LRRC4C: variants seen among roughly 807,000 people sequenced by gnomAD.
LRRC4C encodes the protein leucine rich repeat containing 4C.
In LRRC4C, 5 loss-of-function variants were observed where a neutral mutation model predicts 33.6. That is an observed-to-expected ratio of 0.15 (90% CI 0.08 to 0.31). The LOEUF is 0.31. Among genes scored for constraint, LRRC4C ranks in the 10% least tolerant of loss-of-function variants. The probability of loss-of-function intolerance (pLI) is 1.00; values close to 1 mark genes in which losing one functional copy is unlikely to be tolerated. For missense variants in LRRC4C, 560 were observed against 796.7 expected, an observed-to-expected ratio of 0.70 and a Z score of 3.58; for synonymous variants, 329 against 302.0, an observed-to-expected ratio of 1.09 and a Z score of -0.93.
chr11:41,126,257 TA>T (rs551861646), intron 1 of LRRC4C, among the ~76,000 whole-genome samples: 38 of 151,676 alleles, frequency 2.5e-4, no homozygotes, highest in African/African-American at 3.4e-4. Flanking sequence ...ATTTTTTTAA[TA>T]AAAAAAATAG....
chr11:40,797,656 C>T (rs1487688931), intron 2 of LRRC4C, among the ~76,000 whole-genome samples: 2 of 152,082 alleles, frequency 1.3e-5, no homozygotes. Flanking sequence ...TCAAAAATTA[C>T]CTTATACTGC....
chr11:40,766,095 AAC>A (rs1491405060), intron 2 of LRRC4C, among the ~76,000 whole-genome samples: 1 of 151,382 alleles, frequency 6.6e-6, no homozygotes, highest in South Asian at 2.1e-4. Flanking sequence ...AAAAAAAAAA[AAC>A]ATACAAAGGA....
chr11:41,178,296 A>C (rs1945291064), intron 1 of LRRC4C, among the ~76,000 whole-genome samples: 1 of 152,202 alleles, frequency 6.6e-6, no homozygotes, highest in African/African-American at 2.4e-5. Context: ...AGCTGTCTTA[A>C]ATTCACCAGG....
chr11:40,145,535 TAC>T (rs1487887282), intron 5 of LRRC4C, among the ~76,000 whole-genome samples: 1 of 152,176 alleles, frequency 6.6e-6, no homozygotes, highest in Admixed American at 6.6e-5. Flanking sequence ...TTCATTCAGT[TAC>T]AGAGTTATAA....
intron 2 of LRRC4C, among the ~76,000 whole-genome samples, chr11:40,898,366 A>AAAAAG (rs762414281): frequency 6.0e-5 from 7 of 117,464 alleles, no homozygotes; most frequent in African/African-American, 1.7e-4. Flanking sequence ...AAAAAAAAAA[A>AAAAAG]AAAAAAGAAA....
chr11:40,183,755 A>G (rs574382989), intron 5 of LRRC4C, among the ~76,000 whole-genome samples: 1 of 152,348 alleles, frequency 6.6e-6, no homozygotes, highest in South Asian at 2.1e-4. Context: ...GTAAAGGCCA[A>G]CTTTACATGG....
At chr11:40,591,898 T>G (rs1959076016) in intron 3 of LRRC4C, among the ~76,000 whole-genome samples, 2 of 152,248 alleles carry the variant, frequency 1.3e-5, no homozygotes, top group Admixed American at 1.3e-4. Context: ...ATAAGGCGAC[T>G]GTATAACTGT....
intron 1 of LRRC4C, among the ~76,000 whole-genome samples, chr11:41,423,581 T>A (rs983550859): frequency 3.3e-5 from 5 of 152,144 alleles, no homozygotes; most frequent in African/African-American, 1.2e-4. Flanking sequence ...TCTGGAGACA[T>A]CATAGACGAC....
intron 3 of LRRC4C, among the ~76,000 whole-genome samples, chr11:40,424,260 G>A (rs1316988280): frequency 6.6e-6 from 1 of 152,098 alleles, no homozygotes; most frequent in East Asian, 1.9e-4. Context: ...GAACTAACAA[G>A]GATCTTTTGA....
chr11:41,296,316 T>C (rs79235209), intron 1 of LRRC4C, among the ~76,000 whole-genome samples: 1 of 52,432 alleles, frequency 1.9e-5, no homozygotes, highest in Non-Finnish European at 5.8e-5. Context: ...TATGCTGTGC[T>C]TTTTTTTTTT....
chr11:41,033,671 C>G (rs868547912), intron 1 of LRRC4C, among the ~76,000 whole-genome samples: 1 of 151,982 alleles, frequency 6.6e-6, no homozygotes, highest in Non-Finnish European at 1.5e-5. Context: ...TTTTAAGACC[C>G]GGGGAAGCCA....
chr11:40,232,473 C>T (rs1175003157), intron 5 of LRRC4C, among the ~76,000 whole-genome samples: 1 of 152,178 alleles, frequency 6.6e-6, no homozygotes, highest in African/African-American at 2.4e-5. Flanking sequence ...GACCTCAACT[C>T]GGACCATAGT....
chr11:40,902,559 A>G (rs1212779275), intron 2 of LRRC4C, among the ~76,000 whole-genome samples: 2 of 152,198 alleles, frequency 1.3e-5, no homozygotes, highest in Non-Finnish European at 2.9e-5. Flanking sequence ...AAGCCAGCCC[A>G]GATAGGCCAA....
intron 2 of LRRC4C, among the ~76,000 whole-genome samples, chr11:40,885,275 CTG>C (rs141602659): frequency 0.048 from 7,248 of 152,054 alleles, 219 homozygotes; most frequent in South Asian, 0.099. Context: ...AATATGGACA[CTG>C]TATTTTTTAT....
chr11:40,689,043 T>A (rs115146827), intron 2 of LRRC4C, among the ~76,000 whole-genome samples: 2,434 of 152,212 alleles, frequency 0.016, 70 homozygotes, highest in African/African-American at 0.055. Context: ...CACTATTATT[T>A]TTTTTTTCTA....
intron 2 of LRRC4C, among the ~76,000 whole-genome samples, chr11:40,778,264 C>T (rs1026891448): frequency 6.6e-6 from 1 of 152,194 alleles, no homozygotes; most frequent in African/African-American, 2.4e-5. Flanking sequence ...AGTGAATTCC[C>T]TTAGCATCAT....
At chr11:40,899,105 A>G (rs1009073925) in intron 2 of LRRC4C, among the ~76,000 whole-genome samples, 4 of 151,806 alleles carry the variant, frequency 2.6e-5, no homozygotes, top group African/African-American at 9.7e-5. Context: ...TTTGAAAAAA[A>G]AAAAGCATTT....
chr11:41,137,554 GAA>G (rs780950742), intron 1 of LRRC4C, among the ~76,000 whole-genome samples: 1 of 152,124 alleles, frequency 6.6e-6, no homozygotes, highest in Non-Finnish European at 1.5e-5. Flanking sequence ...TGGAGTAGCT[GAA>G]AAGAGTGATC....
intron 1 of LRRC4C, among the ~76,000 whole-genome samples, chr11:41,086,831 G>T (rs1246956137): frequency 6.6e-6 from 1 of 150,714 alleles, no homozygotes; most frequent in Non-Finnish European, 1.5e-5. Context: ...GACTGCTGTC[G>T]ATGTATGGAA....
Sources: allele counts gnomAD v4.1 joint callset (sites outside exome capture counted in the v4.1 genomes callset), GRCh38; gene constraint gnomAD v4.1.1; transcripts MANE v1.5; gene names NCBI Gene and HGNC (gene_info 2026-07-23, HGNC 2026-07-21).